Variants in MYO5A observed in about 807,000 individuals in gnomAD.
The protein encoded by MYO5A is myosin VA, also known as unconventional myosin-Va.
In MYO5A, 98 loss-of-function variants were observed where a neutral mutation model predicts 249.7. That is an observed-to-expected ratio of 0.39 (90% CI 0.33 to 0.46). The LOEUF is 0.46. MYO5A is among the 20% of genes least tolerant of loss of function. The probability of loss-of-function intolerance (pLI) is 0.98; values close to 1 mark genes in which losing one functional copy is unlikely to be tolerated. For missense variants in MYO5A, 1,696 were observed against 2,308.8 expected, an observed-to-expected ratio of 0.73 and a Z score of 5.44; for synonymous variants, 778 against 810.6, an observed-to-expected ratio of 0.96 and a Z score of 0.68.
intron 4 of MYO5A, among the ~76,000 whole-genome samples, chr15:52,421,659 C>T (rs988536232): frequency 2.6e-5 from 4 of 152,156 alleles, no homozygotes; most frequent in African/African-American, 9.7e-5. Context: ...TGCTTTGTTA[C>T]ACAGCTCCCT....
chr15:52,408,470 A>G (rs950654640), intron 6 of MYO5A, among the ~76,000 whole-genome samples: 4 of 151,994 alleles, frequency 2.6e-5, no homozygotes, highest in Admixed American at 1.3e-4. Flanking sequence ...GCAATACTCA[A>G]TACTATTTTC....
At chr15:52,341,136 C>T (rs979686018) in intron 31 of MYO5A, among the ~76,000 whole-genome samples, 2 of 152,178 alleles carry the variant, frequency 1.3e-5, no homozygotes, top group African/African-American at 4.8e-5. Context: ...TCCAAATTAA[C>T]TAAATGTGCC....
Position 52,407,406 on chromosome 15 carries a change from T to C in MYO5A, c.839-7A>G, listed in dbSNP as rs199749277. ...TTAAAGTTATCTGCATTTCCTGTAATGAAGAAAAATAAAAATTTTCTGGTT... is the reference window on the plus strand; with the variant it reads ...TTAAAGTTATCTGCATTTCCTGTAACGAAGAAAAATAAAAATTTTCTGGTT... On this transcript the variant is annotated splice_polypyrimidine_tract_variant and splice_region_variant and intron_variant, in intron 7 of 41. Transcript: ENST00000399233. 1.3e-3 allele frequency: 2,157 copies of C among 1,607,308 alleles called. 2 individuals are homozygous for C. The highest frequency in any genetic ancestry group is 1.8e-3 in the Middle Eastern group (11 of 6,050).
chr15:52,313,881 A>G, intron 41 of MYO5A, 33 bp from the exon 42 acceptor site: 1 of 1,611,778 alleles, frequency 6.2e-7, no homozygotes, highest in Non-Finnish European at 8.5e-7. Context: ...TAAACAGAGC[A>G]TCAGTTCTTT....
intron 1 of MYO5A, among the ~76,000 whole-genome samples, chr15:52,479,515 G>C (rs1005845947): frequency 6.6e-6 from 1 of 151,840 alleles, no homozygotes; most frequent in South Asian, 2.1e-4. Context: ...TTCAAATCCA[G>C]GTTGTTCACA....
At chr15:52,359,163 T>C (rs1384251225) in intron 25 of MYO5A, among the ~76,000 whole-genome samples, 1 of 152,234 alleles carries the variant, frequency 6.6e-6, no homozygotes. Context: ...ACTTCATTCT[T>C]AAGTAGAACT....
chr15:52,494,102 A>G (rs2076990739), intron 1 of MYO5A, among the ~76,000 whole-genome samples: 1 of 152,228 alleles, frequency 6.6e-6, no homozygotes, highest in Admixed American at 6.5e-5. Context: ...AGAGCAAATC[A>G]GCAATACAGA....
At chr15:52,437,273 T>C (rs1265419415) in intron 1 of MYO5A, among the ~76,000 whole-genome samples, 1 of 152,080 alleles carries the variant, frequency 6.6e-6, no homozygotes, top group African/African-American at 2.4e-5. Flanking sequence ...GCACTACTGG[T>C]TCCAGAAAAG....
chr15:52,443,494 C>T (rs958827437), intron 1 of MYO5A, among the ~76,000 whole-genome samples: 1 of 150,478 alleles, frequency 6.6e-6, no homozygotes, highest in African/African-American at 2.5e-5. Flanking sequence ...GGGTAGATCA[C>T]GAGGTTAGGA....
At chr15:52,471,592 A>AACACACACACACACACACACACAC (rs111751236) in intron 1 of MYO5A, among the ~76,000 whole-genome samples, 168 of 144,954 alleles carry the variant, frequency 1.2e-3, no homozygotes, top group African/African-American at 4.2e-3. Flanking sequence ...CTGTCTCTAA[A>AACACACACACACACACACACACAC]ACACACACAC....
chr15:52,405,847 T>G (rs2042981341), intron 8 of MYO5A, among the ~76,000 whole-genome samples: 1 of 152,250 alleles, frequency 6.6e-6, no homozygotes, highest in South Asian at 2.1e-4. Context: ...AAATTAATAG[T>G]ATTACCATTT....
At chr15:52,463,451 C>G (rs1051652749) in intron 1 of MYO5A, among the ~76,000 whole-genome samples, 4 of 152,124 alleles carry the variant, frequency 2.6e-5, no homozygotes, top group African/African-American at 9.7e-5. Context: ...ATAAAACTTA[C>G]AACTAAAATT....
intron 1 of MYO5A, among the ~76,000 whole-genome samples, chr15:52,462,727 A>C (rs1278797615): frequency 6.6e-6 from 1 of 152,132 alleles, no homozygotes; most frequent in Admixed American, 6.5e-5. Context: ...ACACACCTGT[A>C]GTCCCAGCTA....
intron 1 of MYO5A, chr15:52,435,774 A>G (rs1236088212): frequency 1.0e-5 from 4 of 401,922 alleles, no homozygotes; most frequent in Non-Finnish European, 2.0e-5. Context: ...TATTGGCAGC[A>G]CTTACAGACA....
intron 1 of MYO5A, among the ~76,000 whole-genome samples, chr15:52,433,544 C>T (rs2075590200): frequency 6.6e-6 from 1 of 150,772 alleles, no homozygotes; most frequent in Admixed American, 6.6e-5. Flanking sequence ...CCTCAGCCTC[C>T]TGAGTAGCTG....
chr15:52,484,777 G>A (rs2076783955), intron 1 of MYO5A, among the ~76,000 whole-genome samples: 1 of 152,152 alleles, frequency 6.6e-6, no homozygotes, highest in Non-Finnish European at 1.5e-5. Context: ...CCGAGTAGCT[G>A]GGATTGCAGG....
chr15:52,484,559 G>A (rs1362213990), intron 1 of MYO5A, among the ~76,000 whole-genome samples: 1 of 152,150 alleles, frequency 6.6e-6, no homozygotes, highest in Non-Finnish European at 1.5e-5. Context: ...TGCCATATAT[G>A]TTCCTGAATT....
intron 1 of MYO5A, among the ~76,000 whole-genome samples, chr15:52,460,311 G>A (rs930665314): frequency 2.0e-5 from 3 of 152,224 alleles, no homozygotes; most frequent in Non-Finnish European, 4.4e-5. Flanking sequence ...GGAGGTGGAG[G>A]TTGTAGCGAT....
intron 1 of MYO5A, among the ~76,000 whole-genome samples, chr15:52,450,901 G>A (rs1392307015): frequency 4.1e-5 from 5 of 120,898 alleles, no homozygotes; most frequent in African/African-American, 1.2e-4. Context: ...AGGCTGGATT[G>A]CAGTGGTGTG....
Sources: gnomAD v4.1 joint callset for allele counts (sites outside exome capture counted in the v4.1 genomes callset) on GRCh38, gnomAD v4.1.1 for gene constraint, MANE v1.5 for transcripts, NCBI Gene and HGNC (gene_info 2026-07-23, HGNC 2026-07-21) for gene names.